The following TRPM3 variants were observed in gnomAD, a reference collection of about 807,000 sequenced individuals.
TRPM3 encodes the protein transient receptor potential cation channel subfamily M member 3.
In TRPM3, 77 loss-of-function variants were observed where a neutral mutation model predicts 181.2. The observed-to-expected ratio is 0.42, with a 90% CI of 0.35 to 0.51. The LOEUF (loss-of-function observed/expected upper bound fraction) is 0.51, where lower values mean the gene tolerates loss of function less well. Ranked by LOEUF, TRPM3 falls within the 20% of genes least tolerant of loss-of-function variation. The pLI is 0.01. For synonymous variants in TRPM3, 745 were observed against 796.4 expected, an observed-to-expected ratio of 0.94 and a Z score of 1.09; for missense variants, 1,759 against 2,196.7, an observed-to-expected ratio of 0.80 and a Z score of 3.98.
chr9:71,221,316 G>A (rs2080227247), intron 1 of TRPM3, among the ~76,000 whole-genome samples: 1 of 152,144 alleles, frequency 6.6e-6, no homozygotes, highest in African/African-American at 2.4e-5. Flanking sequence ...TCCTACAGCA[G>A]AACTGTGCAG....
At chr9:71,339,284 T>A (rs2090789675) in intron 1 of TRPM3, among the ~76,000 whole-genome samples, 1 of 152,172 alleles carries the variant, frequency 6.6e-6, no homozygotes, top group Admixed American at 6.6e-5. Context: ...ATAAACTTAA[T>A]GTGATCACAA....
rs926862156 is a variant in TRPM3 at position 71,170,807 on chromosome 9, C to A, written c.183+275846G>T. 3.3e-5 allele frequency among the ~76,000 whole-genome samples: 5 copies of A among 151,982 alleles called. No individual in the cohort carries two copies. In the East Asian group the frequency reaches 7.7e-4, roughly 23 times the overall value. On this transcript the variant is annotated intron_variant, in intron 1 of 24. Transcript: ENST00000357533. The stretch of plus-strand genomic sequence containing the variant: ...AAATTGTACAGCATGTGTGTTTGAG[C>A]AATATGAAATGTGGGCACCTTGAAA...
intron 9 of TRPM3, among the ~76,000 whole-genome samples, chr9:70,659,083 C>T (rs2060763819): frequency 6.6e-6 from 1 of 152,034 alleles, no homozygotes; most frequent in African/African-American, 2.4e-5. Context: ...TGTGAGTAGT[C>T]TTAACTTATG....
At chr9:71,079,685 C>T (rs1176688695) in intron 1 of TRPM3, among the ~76,000 whole-genome samples, 1 of 152,166 alleles carries the variant, frequency 6.6e-6, no homozygotes, top group Non-Finnish European at 1.5e-5. Context: ...CATCCATCTG[C>T]TTCCCTCCAG....
intron 1 of TRPM3, among the ~76,000 whole-genome samples, chr9:71,427,626 G>A (rs11142823): frequency 0.16 from 23,925 of 152,176 alleles, 2,293 homozygotes; most frequent in African/African-American, 0.27. Context: ...GGATGCAGGT[G>A]GAGGCCATTA....
At chr9:70,766,729 A>G (rs1403007515) in intron 7 of TRPM3, among the ~76,000 whole-genome samples, 2 of 152,204 alleles carry the variant, frequency 1.3e-5, no homozygotes, top group African/African-American at 4.8e-5. Context: ...TTCCTCCCCA[A>G]ATGTCATGAC....
At position 71,427,107 on chromosome 9, in the gene TRPM3, A is replaced by G. The variant is rs552070565; in HGVS notation, c.183+19546T>C. ...CAACTGAATTGATTAATTATACCTT[A>G]GAACAATAATGCCTTACGGTATTTT... On this transcript the variant is annotated intron_variant, in intron 1 of 24. Coordinates refer to the TRPM3 transcript ENST00000357533. Among the ~76,000 whole-genome samples, 43 of 152,350 alleles carry G rather than the reference A, an allele frequency of 2.8e-4. No individual in the cohort carries two copies. In the South Asian group the frequency reaches 8.5e-3, roughly 30 times the overall value.
chr9:71,433,603 T>G (rs899417357), intron 1 of TRPM3, among the ~76,000 whole-genome samples: 1 of 152,218 alleles, frequency 6.6e-6, no homozygotes, highest in African/African-American at 2.4e-5. Flanking sequence ...TCTACAAACA[T>G]GGTTGTTAAT....
intron 15 of TRPM3, 146 bp downstream of exon 15, chr9:70,621,098 A>G: frequency 4.8e-6 from 1 of 208,240 alleles, no homozygotes; most frequent in Non-Finnish European, 9.5e-6. Flanking sequence ...CTATATATTT[A>G]TAGTATATAT....
chr9:71,118,190 CATT>C (rs1396020775), intron 1 of TRPM3, among the ~76,000 whole-genome samples: 3 of 152,176 alleles, frequency 2.0e-5, no homozygotes, highest in Non-Finnish European at 4.4e-5. Context: ...TGGCTATCAT[CATT>C]GTGTGCCTGT....
At chr9:70,752,031 TGTGTGTGTGTGTGTGTGTGCGC>T (rs879663205) in intron 8 of TRPM3, among the ~76,000 whole-genome samples, 5 of 115,200 alleles carry the variant, frequency 4.3e-5, no homozygotes, top group Admixed American at 2.5e-4. Context: ...TGTGTGTGTG[TGTGTGTGTGTGTGTGTGTGCGC>T]GCGCGCGCGC....
intron 12 of TRPM3, among the ~76,000 whole-genome samples, chr9:70,634,173 G>A (rs541072220): frequency 3.4e-4 from 52 of 152,192 alleles, no homozygotes; most frequent in Admixed American, 2.4e-3. Context: ...GCAGTGGCAC[G>A]ATCTTGGCTC....
At chr9:70,902,391 A>G (rs2133038509) in intron 1 of TRPM3, among the ~76,000 whole-genome samples, 1 of 152,288 alleles carries the variant, frequency 6.6e-6, no homozygotes, top group South Asian at 2.1e-4. Context: ...TACATATGTG[A>G]TAAATGCTGA....
intron 1 of TRPM3, among the ~76,000 whole-genome samples, chr9:71,407,462 GC>G (rs2093459276): frequency 6.6e-6 from 1 of 152,250 alleles, no homozygotes; most frequent in African/African-American, 2.4e-5. Flanking sequence ...TGCCCACGGG[GC>G]CTTGCTCACT....
At chr9:70,608,826 T>TAAGA (rs1368421151) in intron 19 of TRPM3, among the ~76,000 whole-genome samples, 1 of 152,050 alleles carries the variant, frequency 6.6e-6, no homozygotes, top group Non-Finnish European at 1.5e-5. Flanking sequence ...GGTGACAGAG[T>TAAGA]AAGAGTTTGT....
intron 9 of TRPM3, among the ~76,000 whole-genome samples, chr9:70,667,251 A>G (rs1239695845): frequency 6.6e-6 from 1 of 152,024 alleles, no homozygotes; most frequent in Non-Finnish European, 1.5e-5. Context: ...TGTGAACTTA[A>G]TGGTTAGATA....
chr9:71,094,784 A>G (rs913664025), intron 1 of TRPM3, among the ~76,000 whole-genome samples: 3 of 152,184 alleles, frequency 2.0e-5, no homozygotes, highest in African/African-American at 7.2e-5. Context: ...AAGGGTAGGT[A>G]CTAAAAATCA....
At chr9:70,676,161 G>T (rs554647240) in intron 9 of TRPM3, among the ~76,000 whole-genome samples, 2 of 152,292 alleles carry the variant, frequency 1.3e-5, no homozygotes, top group South Asian at 2.1e-4. Flanking sequence ...AGCAATAAAG[G>T]TTACTTTGTC....
At chr9:71,084,869 C>A (rs1345480985) in intron 1 of TRPM3, among the ~76,000 whole-genome samples, 6 of 152,004 alleles carry the variant, frequency 3.9e-5, no homozygotes, top group Non-Finnish European at 8.8e-5. Context: ...CGTTACCCAA[C>A]TTCAAACTAT....
Sources: allele counts gnomAD v4.1 joint callset (sites outside exome capture counted in the v4.1 genomes callset), GRCh38; gene constraint gnomAD v4.1.1; transcripts MANE v1.5; gene names NCBI Gene and HGNC (gene_info 2026-07-23, HGNC 2026-07-21).